Variants in GPR157 observed in about 807,000 individuals in gnomAD.
GPR157 encodes G protein-coupled receptor 157.
In GPR157, 16 loss-of-function variants were observed where a neutral mutation model predicts 23.5. The ratio of observed to expected loss-of-function variants is 0.68; its 90% CI spans 0.46 to 1.04. The LOEUF (loss-of-function observed/expected upper bound fraction) is 1.04, where lower values mean the gene tolerates loss of function less well. GPR157 is among the 50% of genes least tolerant of loss of function. The pLI, the probability that GPR157 is intolerant of heterozygous loss-of-function variation, is 0.00. For missense variants in GPR157, 440 were observed against 460.7 expected, an observed-to-expected ratio of 0.96 and a Z score of 0.41; for synonymous variants, 200 against 221.5, an observed-to-expected ratio of 0.90 and a Z score of 0.86.
rs1012804165 is a variant in GPR157, at chr1:9,102,375, C to T, written c.*2044G>A. 7.3e-6 allele frequency: 1 copy of T among 137,716 alleles called. No individual in the cohort carries two copies. The highest frequency in any genetic ancestry group is 1.5e-5 in the Non-Finnish European group (1 of 66,250). The allele number at this position is 137,716 out of a possible 1,614,324, so 8.5% of individuals were successfully genotyped here. A position where few individuals can be genotyped will look rare whatever the true frequency, so the allele number is the denominator to read the frequency against. On this transcript the variant is annotated 3_prime_UTR_variant, in exon 4 of 4. Coordinates refer to ENST00000377411, the MANE Select transcript of GPR157 (RefSeq NM_024980.5). Reference sequence around the variant, plus strand: ...GCAGTGAGTCAAAATTGCACCACTGCACTCCAGCCTGGGCAATAGAGTGAG... The same window carrying T: ...GCAGTGAGTCAAAATTGCACCACTGTACTCCAGCCTGGGCAATAGAGTGAG...
chr1:9,109,044 G>A (rs1382797882), intron 2 of GPR157, among the ~76,000 whole-genome samples: 2 of 151,430 alleles, frequency 1.3e-5, no homozygotes, highest in Non-Finnish European at 2.9e-5. Flanking sequence ...CCAAAGTTCT[G>A]GGATTACAGG....
chr1:9,128,761 G>A lies in GPR157; in HGVS notation c.267C>T (p.Ala89=), dbSNP rs1639023318. The A allele has an allele frequency of 1.2e-6, 2 of 1,612,768 alleles. No homozygotes were observed. Among genetic ancestry groups the A allele is most frequent in the East Asian group, 2.2e-5 (1 of 44,854 alleles). The change falls in exon 1 of 4, where the codon GCC becomes GCT. Residue 89 remains alanine, a synonymous_variant. Transcript: ENST00000377411. This position sits in a 1 kb window ranked among gnomAD's most constrained non-coding sequence, Gnocchi z 6.3. ...CGGTCCAGAAGAAGGAGCTGGTGTT[G>A]GCGAAGGTGGACAGCGCGCCCTGCA... is the stretch of plus-strand genomic sequence containing the variant. ...CVLQGALSTF[A]NTSSFFWTVA...
At chr1:9,123,982 C>A (rs919074056) in intron 1 of GPR157, among the ~76,000 whole-genome samples, 1 of 151,424 alleles carries the variant, frequency 6.6e-6, no homozygotes, top group African/African-American at 2.4e-5. Context: ...CCGCACACCA[C>A]CACACTCGGC....
At position 9,120,613 on chromosome 1, in the gene GPR157, C is replaced by T. The variant is rs1019732523; in HGVS notation, c.383+8032G>A. On this transcript the variant is annotated intron_variant, in intron 1 of 3. Coordinates refer to ENST00000377411, the MANE Select transcript of GPR157 (RefSeq NM_024980.5). This position sits in a 1 kb window ranked among gnomAD's most constrained non-coding sequence, Gnocchi z 4.1. ...ACTTGGGAGAAGTTCAGGGAGTCAG[C>T]CCCTAGGCCAGGCTACCACGAGGTC... 6.6e-6 allele frequency among the ~76,000 whole-genome samples: 1 copy of T among 152,144 alleles called. No individual in the cohort carries two copies. The highest frequency in any genetic ancestry group is 1.5e-5 in the Non-Finnish European group (1 of 68,028).
intron 1 of GPR157, among the ~76,000 whole-genome samples, chr1:9,123,658 TAAA>T: frequency 8.9e-6 from 1 of 111,750 alleles, no homozygotes; most frequent in African/African-American, 3.8e-5. Context: ...AAATATATAT[TAAA>T]TATATATTTA....
intron 2 of GPR157, among the ~76,000 whole-genome samples, chr1:9,107,167 G>A (rs1638362478): frequency 6.6e-6 from 1 of 152,102 alleles, no homozygotes; most frequent in South Asian, 2.1e-4. Flanking sequence ...TCCCTGCACA[G>A]GGAGGGCCTG....
chr1:9,117,023 G>A (rs1638696451), intron 1 of GPR157, among the ~76,000 whole-genome samples: 1 of 152,068 alleles, frequency 6.6e-6, no homozygotes, highest in Admixed American at 6.6e-5. Flanking sequence ...TTACAGACAA[G>A]AGCCGCCATG....
intron 1 of GPR157, among the ~76,000 whole-genome samples, chr1:9,116,304 T>TAATATATATATAATTACA (rs1557698155): frequency 8.9e-5 from 1 of 11,248 alleles, no homozygotes; most frequent in African/African-American, 5.1e-4. Flanking sequence ...ATTATATATA[T>TAATATATATATAATTACA]TATATTATAT....
intron 1 of GPR157, among the ~76,000 whole-genome samples, chr1:9,116,202 T>TATTTATATTATATATATATATATA: frequency 6.4e-5 from 1 of 15,682 alleles, no homozygotes; most frequent in Non-Finnish European, 8.9e-5. Context: ...TATAATTATA[T>TATTTATATTATATATATATATATA]ATATAATTAT....
At chr1:9,114,920 C>CAAAAAAAA (rs70985588) in intron 1 of GPR157, among the ~76,000 whole-genome samples, 71 of 85,328 alleles carry the variant, frequency 8.3e-4, no homozygotes, top group East Asian at 1.4e-3. Flanking sequence ...GACTCCGTCT[C>CAAAAAAAA]AAAAAAAAAA....
chr1:9,123,245 T>A (rs369563164), intron 1 of GPR157, among the ~76,000 whole-genome samples: 1 of 12,538 alleles, frequency 8.0e-5, no homozygotes, highest in South Asian at 2.0e-3. Flanking sequence ...TATATATTAA[T>A]TTAAATATAT....
chr1:9,121,589 G>A (rs978422380), intron 1 of GPR157, among the ~76,000 whole-genome samples: 31 of 152,150 alleles, frequency 2.0e-4, no homozygotes, highest in African/African-American at 6.5e-4. Context: ...GCAGTGAGCC[G>A]AGATTGCGCC....
chr1:9,123,535 T>TAAAATATGTCTAATTTAAATATATATTTA (rs200648536), intron 1 of GPR157, among the ~76,000 whole-genome samples: 1 of 93,930 alleles, frequency 1.1e-5, no homozygotes, highest in Non-Finnish European at 1.8e-5. Context: ...AATATATATT[T>TAAAATATGTCTAATTTAAATATATATTTA]AAATATATCT....
At chr1:9,123,483 A>C (rs1569977130) in intron 1 of GPR157, among the ~76,000 whole-genome samples, 1 of 120,738 alleles carries the variant, frequency 8.3e-6, no homozygotes, top group East Asian at 2.3e-4. Context: ...TATATATTTT[A>C]AAAATATATA....
intron 1 of GPR157, among the ~76,000 whole-genome samples, chr1:9,121,980 C>G (rs534886218): frequency 2.0e-5 from 3 of 152,188 alleles, no homozygotes; most frequent in Admixed American, 6.5e-5. Context: ...TAGCAGCCCC[C>G]CTATGCTCAC....
Position 9,116,292 on chromosome 1 carries a change from A to ATTTATATTATATATTATATATAATAT in GPR157, c.384-4804_384-4803insATATTATATATAATATATAATATAAA. Among the ~76,000 whole-genome samples the ATTTATATTATATATTATATATAATAT allele has an allele frequency of 1.9e-3, 13 of 6,826 alleles. 4 individuals are homozygous for ATTTATATTATATATTATATATAATAT. Among genetic ancestry groups the ATTTATATTATATATTATATATAATAT allele is most frequent in the Admixed American group, 3.8e-3 (1 of 262 alleles). The allele number at this position is 6,826 out of a possible 152,430, so 4.5% of individuals were successfully genotyped here. On this transcript the variant is annotated intron_variant, in intron 1 of 3. Coordinates refer to ENST00000377411, the MANE Select transcript of GPR157 (RefSeq NM_024980.5). The stretch of plus-strand genomic sequence containing the variant: ...ATATAATTATATATAAATTATATAT[A>ATTTATATTATATATTATATATAATAT]AATTATATATATTATATTATATATA...
intron 1 of GPR157, among the ~76,000 whole-genome samples, chr1:9,125,330 C>G (rs1440707896): frequency 6.6e-6 from 1 of 152,098 alleles, no homozygotes; most frequent in African/African-American, 2.4e-5. Flanking sequence ...CCTCCTGCCT[C>G]AGCCTCCCAA....
intron 1 of GPR157, among the ~76,000 whole-genome samples, chr1:9,126,906 A>AT (rs760769170): frequency 6.6e-6 from 1 of 151,578 alleles, no homozygotes; most frequent in East Asian, 1.9e-4. Flanking sequence ...TTTTTTAAAA[A>AT]TTTTTTTCTT....
intron 1 of GPR157, among the ~76,000 whole-genome samples, chr1:9,125,848 A>T (rs567519776): frequency 7.9e-5 from 12 of 152,236 alleles, no homozygotes; most frequent in Admixed American, 1.3e-4. Context: ...GGTAAATAGG[A>T]TTATTGGATC....
Sources: gnomAD v4.1 joint callset for allele counts (sites outside exome capture counted in the v4.1 genomes callset) on GRCh38, gnomAD v4.1.1 for gene constraint, Gnocchi (gnomAD v3.1) non-coding constraint, MANE v1.5 for transcripts, NCBI Gene and HGNC (gene_info 2026-07-23, HGNC 2026-07-21) for gene names.